MRC2: variants seen among roughly 807,000 people sequenced by gnomAD.
MRC2 encodes the protein mannose receptor C-type 2.
Under a neutral mutation model 206.2 loss-of-function variants are expected in MRC2, and 84 were observed. That is an observed-to-expected ratio of 0.41 (90% CI 0.34 to 0.49). MRC2 has a LOEUF of 0.49. Ranked by LOEUF, MRC2 falls within the 20% of genes least tolerant of loss-of-function variation. The pLI, the probability that MRC2 is intolerant of heterozygous loss-of-function variation, is 0.31. For synonymous variants in MRC2, 798 were observed against 800.0 expected, an observed-to-expected ratio of 1.00 and a Z score of 0.04; for missense variants, 1,676 against 2,001.5, an observed-to-expected ratio of 0.84 and a Z score of 3.10.
chr17:62,631,179 C>T (rs183478913), intron 1 of MRC2, among the ~76,000 whole-genome samples: 1 of 152,234 alleles, frequency 6.6e-6, no homozygotes, highest in East Asian at 1.9e-4. Context: ...ATTTGAGTTC[C>T]TCATCAGTTT....
chr17:62,679,848 G>A lies in MRC2; in HGVS notation c.2244G>A (p.Leu748=). The A allele has an allele frequency of 6.2e-7, 1 of 1,613,926 alleles. No individual in the cohort carries two copies. Among genetic ancestry groups the A allele is most frequent in the Non-Finnish European group, 8.5e-7 (1 of 1,180,010 alleles). ...AGCAGCACTGGTTCTGGATCGGCCTGAACCGTCGGGATCCCAGAGGGGGTC... is the reference window on the plus strand; with the variant it reads ...AGCAGCACTGGTTCTGGATCGGCCTAAACCGTCGGGATCCCAGAGGGGGTC... The part of the protein sequence containing the change: ...IHEQHWFWIG[L]NRRDPRGGQS... Residue 748 remains leucine (L), a synonymous_variant, in exon 14 of 30, where the codon CTG becomes CTA. Transcript: ENST00000303375.
chr17:62,677,493 C>A lies in MRC2; in HGVS notation c.2052+7C>A. 1 of 1,586,492 alleles carries A rather than the reference C, an allele frequency of 6.3e-7. No homozygotes were observed. ...ACTCCGGTATTGCTATAAGGTAGGG[C>A]AGCCTGTTGGCCGGGTAGGGGGCAG... On this transcript the variant is annotated splice_region_variant and intron_variant, in intron 12 of 29. Transcript: ENST00000303375.
rs1268388078 is a variant in MRC2, at chr17:62,666,045, C to T, written c.521-49C>T. 6 of 1,533,678 alleles carry T rather than the reference C, an allele frequency of 3.9e-6. No individual in the cohort carries two copies. The highest frequency in any genetic ancestry group is 1.2e-5 in the South Asian group (1 of 81,396). ...TCCTGAGGGTCGAGGGGCTTGGCAG[C>T]CTCTGGTGTCCAGATGCCAAGGGCC... On this transcript the variant is annotated intron_variant, in intron 2 of 29. Coordinates refer to ENST00000303375, the MANE Select transcript of MRC2 (RefSeq NM_006039.5). This position sits in a 1 kb window ranked among gnomAD's most constrained non-coding sequence, Gnocchi z 5.0.
chr17:62,639,924 G>C lies in MRC2; in HGVS notation c.118+12004G>C, dbSNP rs2088377792. ...GCTGGAGTGCAATGGCTCGATCTTGGCTCACTGCAACCTCTGCCTCCTGGG... is the reference window on the plus strand; with the variant it reads ...GCTGGAGTGCAATGGCTCGATCTTGCCTCACTGCAACCTCTGCCTCCTGGG... On this transcript the variant is annotated intron_variant, in intron 1 of 29. Transcript: ENST00000303375. Among the ~76,000 whole-genome samples the C allele has an allele frequency of 2.0e-5, 3 of 151,954 alleles. No homozygotes were observed. The South Asian group carries it at 6.2e-4, about 32-fold the overall frequency.
chr17:62,630,032 C>CTGGA (rs143067381), intron 1 of MRC2, among the ~76,000 whole-genome samples: 6,531 of 152,282 alleles, frequency 0.043, 132 homozygotes, highest in Middle Eastern at 0.12. Flanking sequence ...GAGACTGTCA[C>CTGGA]TGGAAGGAGT....
chr17:62,677,444 C>T lies in MRC2; in HGVS notation c.2010C>T (p.Pro670=), dbSNP rs1437945058. Residue 670 remains proline (P), a synonymous_variant, in exon 12 of 30, where the codon CCC becomes CCT. Coordinates refer to ENST00000303375, the MANE Select transcript of MRC2 (RefSeq NM_006039.5). ...CGCCCAGCCTCACTGGCTCCTGTCC[C>T]CAGGGCTGGGCCTCGGACACCAAAC... is the stretch of plus-strand genomic sequence containing the variant. ...DPTPSLTGSC[P]QGWASDTKLR... 4.3e-6 allele frequency: 7 copies of T among 1,610,098 alleles called. No homozygotes were observed. Among genetic ancestry groups the T allele is most frequent in the Non-Finnish European group, 5.1e-6 (6 of 1,178,200 alleles).
Position 62,690,973 on chromosome 17 carries a change from A to G in MRC2, c.4037A>G (p.Asn1346Ser). 1 of 1,607,238 alleles carries G rather than the reference A, an allele frequency of 6.2e-7. No individual in the cohort carries two copies. The highest frequency in any genetic ancestry group is 1.7e-5 in the Admixed American group (1 of 58,734). ...PKGGTLVWQD[N>S]TAVNYSNWGP... ...GGAGGCACTCTGGTCTGGCAGGACA[A>G]CACAGCTGTGAACTACTCCAACTGG... Residue 1346 changes from asparagine (N) to serine (S), a missense_variant, in exon 28 of 30, where the codon AAC becomes AGC. By Grantham distance (46) the Asn-to-Ser change is conservative (BLOSUM62 1). This residue lies in a region of MRC2 where 1,354 missense variants were observed against 1,636.6 expected (regional missense o/e 0.83). Coordinates refer to ENST00000303375, the MANE Select transcript of MRC2 (RefSeq NM_006039.5).
rs931263891 is a variant in MRC2, at chr17:62,675,312, C to T, written c.1570-478C>T. ...CTGCCAGCCTCGCCTGCCAGGGTCT[C>T]GTCTCTGAGCCCCTCCTGCCATCCC... On this transcript the variant is annotated intron_variant, in intron 9 of 29. Coordinates refer to ENST00000303375, the MANE Select transcript of MRC2 (RefSeq NM_006039.5). The surrounding 1 kb of genome is among the most constrained non-coding windows in gnomAD (Gnocchi z 4.1). 6.6e-6 allele frequency among the ~76,000 whole-genome samples: 1 copy of T among 152,276 alleles called. No individual in the cohort carries two copies. Among genetic ancestry groups the T allele is most frequent in the African/African-American group, 2.4e-5 (1 of 41,554 alleles).
In MRC2 at chr17:62,691,077, C is replaced by T; in HGVS notation, c.4141C>T (p.Pro1381Ser). The change falls in exon 28 of 30, where the codon CCC (proline) becomes TCC (serine). Residue 1381 changes from proline to serine, a missense_variant. By Grantham distance (74) the Pro-to-Ser change is moderately conservative. Coordinates refer to ENST00000303375, the MANE Select transcript of MRC2 (RefSeq NM_006039.5). ...WIQSNSGLWR[P>S]GACTNITMGV... ...TCAGAGCAACAGCGGGCTATGGCGC[C>T]CCGGCGCTTGCACCAACATCACCAT... 6.2e-7 allele frequency: 1 copy of T among 1,609,920 alleles called. No individual in the cohort carries two copies. The highest frequency in any genetic ancestry group is 8.5e-7 in the Non-Finnish European group (1 of 1,178,862).
intron 26 of MRC2, 43 bp from the exon 27 acceptor site, chr17:62,690,599 C>A (rs758260481): frequency 6.5e-7 from 1 of 1,549,788 alleles, no homozygotes; most frequent in African/African-American, 1.4e-5. Flanking sequence ...TCTGCCCCCC[C>A]CGGAGACCCA....
At chr17:62,682,618 T>C (rs2088982808) in intron 20 of MRC2, among the ~76,000 whole-genome samples, 1 of 152,096 alleles carries the variant, frequency 6.6e-6, no homozygotes, top group African/African-American at 2.4e-5. Context: ...TGGTGAGTGT[T>C]CTAGATCAGT....
At chr17:62,633,348 A>G (rs1163593131) in intron 1 of MRC2, among the ~76,000 whole-genome samples, 4 of 151,918 alleles carry the variant, frequency 2.6e-5, no homozygotes, top group East Asian at 1.9e-4. Flanking sequence ...TAAAAATACA[A>G]AAAATTAGCT....
rs914842078 is a variant in MRC2 at position 62,669,160 on chromosome 17, C to T, written c.1117+1627C>T. On this transcript the variant is annotated intron_variant, in intron 6 of 29. Coordinates refer to ENST00000303375, the MANE Select transcript of MRC2 (RefSeq NM_006039.5). The stretch of plus-strand genomic sequence containing the variant: ...TACAGACAGTAAAGAGTTTACAGAG[C>T]AAAACTTCTGCTCCTGACCATGGAA... Among the ~76,000 whole-genome samples the T allele has an allele frequency of 2.0e-5, 3 of 151,208 alleles. No homozygotes were observed. The South Asian group carries it at 6.3e-4, about 32-fold the overall frequency.
chr17:62,671,693 C>T lies in MRC2; in HGVS notation c.1162C>T (p.Pro388Ser), dbSNP rs1388345464. The T allele has an allele frequency of 3.7e-6, 6 of 1,607,884 alleles. No individual in the cohort carries two copies. The highest frequency in any genetic ancestry group is 5.1e-6 in the Non-Finnish European group (6 of 1,176,814). Residue 388 changes from proline (P) to serine (S), a missense_variant, in exon 7 of 30, where the codon CCC becomes TCC. Physicochemically the swap from Pro to Ser is moderately conservative, Grantham distance 74. Around this residue, in one of 3 missense-constraint regions of MRC2, gnomAD observed 1,354 missense variants for 1,636.6 expected, o/e 0.83. Transcript: ENST00000303375. The surrounding 1 kb of genome is among the most constrained non-coding windows in gnomAD (Gnocchi z 4.5). Reference protein sequence around the residue: ...VKVECEPSWQPFQGHCYRLQA... With the variant: ...VKVECEPSWQSFQGHCYRLQA... ...GGTGGAGTGCGAGCCGAGCTGGCAG[C>T]CCTTCCAGGGCCACTGCTACCGCCT...
At chr17:62,630,686 G>C (rs1455651733) in intron 1 of MRC2, among the ~76,000 whole-genome samples, 1 of 152,100 alleles carries the variant, frequency 6.6e-6, no homozygotes, top group African/African-American at 2.4e-5. Context: ...GGGGCTTCTG[G>C]GAGCTCCAGG....
In MRC2 at chr17:62,647,208, G is replaced by A. The variant is rs1436114074; in HGVS notation, c.119-17340G>A. ...TTTCTTTTTTTTTTTTTTTGAGACAGAGTCTTGCTCTATCGCCCATGCTGG... is the reference window on the plus strand; with the variant it reads ...TTTCTTTTTTTTTTTTTTTGAGACAAAGTCTTGCTCTATCGCCCATGCTGG... On this transcript the variant is annotated intron_variant, in intron 1 of 29. Transcript: ENST00000303375. Among the ~76,000 whole-genome samples the A allele has an allele frequency of 3.9e-5, 5 of 128,824 alleles. No homozygotes were observed. The East Asian group carries it at 6.8e-4, about 18-fold the overall frequency. The allele number at this position is 128,824 out of a possible 152,430, so 84.5% of individuals were successfully genotyped here.
At chr17:62,686,451 TCAA>T (rs58330151) in intron 20 of MRC2, among the ~76,000 whole-genome samples, 9,231 of 150,086 alleles carry the variant, frequency 0.062, 931 homozygotes, top group African/African-American at 0.21. Context: ...AGACTCCATC[TCAA>T]CAACAACAAC....
intron 1 of MRC2, among the ~76,000 whole-genome samples, chr17:62,661,388 T>C (rs1452649892): frequency 6.6e-6 from 1 of 152,234 alleles, no homozygotes; most frequent in Admixed American, 6.5e-5. Context: ...CTTCTTTTGC[T>C]GTCTATGCAT....
intron 1 of MRC2, among the ~76,000 whole-genome samples, chr17:62,634,574 C>T (rs1338483735): frequency 6.6e-6 from 1 of 152,240 alleles, no homozygotes; most frequent in Non-Finnish European, 1.5e-5. Flanking sequence ...GCTGGGATTA[C>T]AGGCGTGAGC....
Sources: allele counts gnomAD v4.1 joint callset (sites outside exome capture counted in the v4.1 genomes callset), GRCh38; gene constraint gnomAD v4.1.1; regional missense constraint gnomAD v4.1.1; non-coding constraint Gnocchi (gnomAD v3.1); transcripts MANE v1.5; gene names NCBI Gene and HGNC (gene_info 2026-07-23, HGNC 2026-07-21).